Variants in DCAF6 observed in about 807,000 individuals in gnomAD.
The protein encoded by DCAF6 is DDB1- and CUL4-associated factor 6.
DCAF6 carries 54 observed loss-of-function variants against 125.1 expected under a neutral mutation model. The observed-to-expected ratio is 0.43, with a 90% CI of 0.35 to 0.54. The LOEUF (loss-of-function observed/expected upper bound fraction) is 0.54. Among genes scored for constraint, DCAF6 ranks in the 20% least tolerant of loss-of-function variants. The pLI is 0.01. For synonymous variants in DCAF6, 371 were observed against 390.4 expected (o/e 0.95, Z 0.58); for missense variants, 934 against 1,161.7 (o/e 0.80, Z 2.85).
chr1:167,871,413 G>A, the DCAF6 span, among the ~76,000 whole-genome samples: 3 of 152,138 alleles, frequency 2.0e-5, no homozygotes, highest in African/African-American at 7.2e-5. Context: ...AGAAAATATG[G>A]AAAACTTGGA....
At chr1:168,056,831 A>G (rs1203511563) in intron 17 of DCAF6, among the ~76,000 whole-genome samples, 1 of 152,244 alleles carries the variant, frequency 6.6e-6, no homozygotes, top group Non-Finnish European at 1.5e-5. Context: ...GGATTATTCT[A>G]ACTACATTCT....
chr1:167,942,627 A>T (rs1672430196), intron 1 of DCAF6, among the ~76,000 whole-genome samples: 2 of 152,092 alleles, frequency 1.3e-5, no homozygotes, highest in Admixed American at 1.3e-4. Flanking sequence ...AAGGTAACAA[A>T]GATTTTTACT....
rs1193655048 is a variant in DCAF6, at chr1:167,987,490, T to C, written c.439-5T>C. The C allele has an allele frequency of 3.5e-6, 5 of 1,425,228 alleles. No individual in the cohort carries two copies. The South Asian group carries it at 4.8e-5, about 14-fold the overall frequency. 88.3% of individuals were successfully genotyped at this position (1,425,228 alleles called of 1,614,324 possible). On this transcript the variant is annotated splice_region_variant and splice_polypyrimidine_tract_variant and intron_variant, in intron 4 of 21. Coordinates refer to ENST00000367840, the MANE Select transcript of DCAF6 (RefSeq NM_001198956.2). The stretch of plus-strand genomic sequence containing the variant: ...GATTATCTGCACTTTTCTTTTCATC[T>C]TCAGATTATGACTGTACCCAATGAC...
At chr1:167,874,575 C>T in the DCAF6 span, among the ~76,000 whole-genome samples, 6 of 85,830 alleles carry the variant, frequency 7.0e-5, no homozygotes, top group Non-Finnish European at 1.2e-4. Flanking sequence ...TATTTGGCAC[C>T]CTTTGTCCCA....
At chr1:167,929,299 C>CA in the DCAF6 span, among the ~76,000 whole-genome samples, 1 of 151,868 alleles carries the variant, frequency 6.6e-6, no homozygotes, top group Non-Finnish European at 1.5e-5. Flanking sequence ...GCAGAGGTTG[C>CA]AGTGAGCCGA....
the DCAF6 span, among the ~76,000 whole-genome samples, chr1:167,898,524 G>A: frequency 7.9e-5 from 12 of 152,130 alleles, no homozygotes; most frequent in Middle Eastern, 6.8e-3. Context: ...GCTTGAACCC[G>A]GGAGGCGGAG....
intron 10 of DCAF6, among the ~76,000 whole-genome samples, chr1:168,006,546 T>G (rs1272916158): frequency 6.6e-6 from 1 of 152,084 alleles, no homozygotes; most frequent in Non-Finnish European, 1.5e-5. Flanking sequence ...TATTCTGGAG[T>G]TCAACGTTTC....
At chr1:167,926,575 G>C in the DCAF6 span, among the ~76,000 whole-genome samples, 2 of 152,154 alleles carry the variant, frequency 1.3e-5, no homozygotes, top group Non-Finnish European at 1.5e-5. Context: ...TGTCCCCCCA[G>C]GGGCATTTTT....
Position 167,936,992 on chromosome 1 carries a change from G to T in DCAF6, c.81G>T (p.Leu27=). 1 of 1,610,200 alleles carries T rather than the reference G, an allele frequency of 6.2e-7. No homozygotes were observed. The change falls in exon 1 of 22, where the codon CTG becomes CTT. Residue 27 remains leucine (L), a synonymous_variant. Transcript: ENST00000367840. The part of the protein sequence containing the change: ...RSLGLEDPSR[L]RSRYLGRREF... ...TCGGGCTGGAGGACCCGTCCCGGCT[G>T]CGGAGTCGCTACCTGGGTGAGCGGG...
chr1:167,996,617 A>G lies in DCAF6; in HGVS notation c.903+3177A>G, dbSNP rs78140993. On this transcript the variant is annotated intron_variant, in intron 7 of 21. Transcript: ENST00000367840. The stretch of plus-strand genomic sequence containing the variant: ...TGCCGCTCTTCTCATCAACATTCTA[A>G]GTGGCTCCCTGTCGGACCTAAAGCA... Among the ~76,000 whole-genome samples, 159 of 152,304 alleles carry G rather than the reference A, an allele frequency of 1.0e-3. No homozygotes were observed. The East Asian group carries it at 0.013, about 13-fold the overall frequency.
At chr1:167,975,080 A>C (rs1276940388) in intron 4 of DCAF6, 65 bp downstream of exon 4, 10 of 1,021,724 alleles carry the variant, frequency 9.8e-6, no homozygotes, top group Non-Finnish European at 1.2e-5. Context: ...AAGTACATAC[A>C]TGTGTAGATG....
chr1:167,916,301 G>A, the DCAF6 span, among the ~76,000 whole-genome samples: 9 of 152,306 alleles, frequency 5.9e-5, no homozygotes, highest in Admixed American at 3.3e-4. Flanking sequence ...CCGCCTCCTG[G>A]GTTGAAGTGA....
chr1:167,953,163 T>C (rs557604345), intron 2 of DCAF6, among the ~76,000 whole-genome samples: 4 of 152,338 alleles, frequency 2.6e-5, no homozygotes, highest in Admixed American at 2.6e-4. Context: ...AAAATGTCTT[T>C]TTATTGTTAT....
chr1:167,914,985 C>T, the DCAF6 span, among the ~76,000 whole-genome samples: 2 of 152,178 alleles, frequency 1.3e-5, no homozygotes, highest in African/African-American at 4.8e-5. Context: ...TAATTAGAAT[C>T]ATACCTCATT....
chr1:168,049,050 G>A (rs1191413839), intron 16 of DCAF6, among the ~76,000 whole-genome samples: 1 of 152,064 alleles, frequency 6.6e-6, no homozygotes, highest in African/African-American at 2.4e-5. Flanking sequence ...TTTGCGTAAG[G>A]CAAGAACATG....
chr1:168,024,015 G>A (rs1388196764), intron 12 of DCAF6: 1 of 151,648 alleles, frequency 6.6e-6, no homozygotes, highest in Non-Finnish European at 1.5e-5. Context: ...AGAAATTTGA[G>A]ACCAGCCTGG....
the DCAF6 span, among the ~76,000 whole-genome samples, chr1:167,926,967 A>G: frequency 4.6e-5 from 7 of 152,200 alleles, no homozygotes; most frequent in African/African-American, 1.2e-4. Flanking sequence ...CAGCCTGTAT[A>G]TTCTTCTATC....
the DCAF6 span, among the ~76,000 whole-genome samples, chr1:167,892,227 T>C: frequency 0.26 from 39,933 of 152,074 alleles, 5,628 homozygotes; most frequent in African/African-American, 0.37. Flanking sequence ...CTGTCTGGGC[T>C]TCCCAAAGTG....
intron 16 of DCAF6, among the ~76,000 whole-genome samples, chr1:168,046,965 A>G (rs1194718711): frequency 6.6e-6 from 1 of 152,114 alleles, no homozygotes; most frequent in Non-Finnish European, 1.5e-5. Context: ...AGACACTTTG[A>G]GAAAGTCATA....
Sources: gnomAD v4.1 joint callset for allele counts (sites outside exome capture counted in the v4.1 genomes callset) on GRCh38, gnomAD v4.1.1 for gene constraint, MANE v1.5 for transcripts, NCBI Gene and HGNC (gene_info 2026-07-23, HGNC 2026-07-21) for gene names.